The following AOPEP variants were observed in gnomAD, a reference collection of about 807,000 sequenced individuals.
The protein encoded by AOPEP is aminopeptidase O.
In AOPEP, 77 loss-of-function variants were observed where a neutral mutation model predicts 98.1. The observed-to-expected ratio is 0.78, with a 90% CI of 0.65 to 0.95. The LOEUF is 0.95. Ranked by LOEUF, AOPEP falls within the 40% of genes least tolerant of loss-of-function variation. The pLI is 0.00. For synonymous variants in AOPEP, 346 were observed against 365.3 expected (o/e 0.95, Z 0.60); for missense variants, 1,024 against 1,024.7 (o/e 1.00, Z 0.01).
At chr9:95,043,757 C>T (rs1039345145) in intron 13 of AOPEP, among the ~76,000 whole-genome samples, 4 of 152,070 alleles carry the variant, frequency 2.6e-5, no homozygotes, top group Non-Finnish European at 5.9e-5. Context: ...CTTAACCTTC[C>T]GGACTCAAGC....
intron 14 of AOPEP, among the ~76,000 whole-genome samples, chr9:95,070,611 C>T (rs1183831866): frequency 6.6e-6 from 1 of 152,256 alleles, no homozygotes; most frequent in Non-Finnish European, 1.5e-5. Context: ...CAAGCATGTA[C>T]TATGTGCTGG....
intron 4 of AOPEP, among the ~76,000 whole-genome samples, chr9:94,793,238 C>T (rs1021575737): frequency 2.0e-5 from 3 of 151,978 alleles, no homozygotes; most frequent in African/African-American, 7.3e-5. Context: ...GTCCCAGCGA[C>T]TCGGGAGGCT....
chr9:94,834,737 G>C (rs2041345019), intron 5 of AOPEP, among the ~76,000 whole-genome samples: 1 of 152,182 alleles, frequency 6.6e-6, no homozygotes, highest in Non-Finnish European at 1.5e-5. Flanking sequence ...AGGCTGCAGT[G>C]AACAGAGATT....
intron 5 of AOPEP, among the ~76,000 whole-genome samples, chr9:94,899,350 AT>A (rs35635785): frequency 0.037 from 3,590 of 97,796 alleles, 93 homozygotes; most frequent in African/African-American, 0.09. Context: ...ACGCCCGGCT[AT>A]TTTTTTTTTT....
the AOPEP span, among the ~76,000 whole-genome samples, chr9:95,143,539 A>C: frequency 5.9e-5 from 9 of 152,276 alleles, no homozygotes; most frequent in African/African-American, 2.2e-4. Flanking sequence ...CACTCAGGAA[A>C]TTTCAAGGGT....
intron 13 of AOPEP, among the ~76,000 whole-genome samples, chr9:95,055,645 G>A (rs2066754019): frequency 6.6e-6 from 1 of 152,206 alleles, no homozygotes; most frequent in African/African-American, 2.4e-5. Flanking sequence ...CTAAGGTGGT[G>A]GGTGTGTTTT....
chr9:94,937,590 C>G (rs1027277791), intron 7 of AOPEP, among the ~76,000 whole-genome samples: 4 of 152,204 alleles, frequency 2.6e-5, no homozygotes, highest in Middle Eastern at 6.3e-3. Flanking sequence ...TCTGCCTGCT[C>G]TTTCTTACCT....
intron 13 of AOPEP, among the ~76,000 whole-genome samples, chr9:95,045,786 G>A (rs1033463643): frequency 6.6e-6 from 1 of 152,204 alleles, no homozygotes; most frequent in African/African-American, 2.4e-5. Flanking sequence ...TCCATGTAAC[G>A]TAGCTCCCCT....
chr9:95,107,756 G>A, the AOPEP span, among the ~76,000 whole-genome samples: 4 of 152,212 alleles, frequency 2.6e-5, no homozygotes, highest in South Asian at 4.2e-4. Flanking sequence ...ACACATGCAC[G>A]CACGTGTACA....
rs139335535 is a variant in AOPEP, at chr9:94,840,889, A to G, written c.1364+39887A>G. Among the ~76,000 whole-genome samples the G allele has an allele frequency of 3.0e-3, 451 of 151,978 alleles. 11 individuals carry two copies. The South Asian group carries it at 0.043, about 15-fold the overall frequency. On this transcript the variant is annotated intron_variant, in intron 5 of 16. Transcript: ENST00000375315. ...TCTTTTTCTCTTTGTTTCTTTGTCC[A>G]TCTGGCTAGAGGTTTGTCACTTTTA...
chr9:95,129,684 C>A, the AOPEP span, among the ~76,000 whole-genome samples: 1 of 152,222 alleles, frequency 6.6e-6, no homozygotes. Flanking sequence ...CTCCATCTGG[C>A]CTAACAATTT....
intron 3 of AOPEP, among the ~76,000 whole-genome samples, chr9:94,778,466 G>A (rs1233707130): frequency 6.6e-6 from 1 of 151,512 alleles, no homozygotes; most frequent in African/African-American, 2.4e-5. Context: ...AATAGCTAGT[G>A]ACACCTGCAA....
chr9:94,797,104 C>T (rs1021887045), intron 4 of AOPEP, among the ~76,000 whole-genome samples: 8 of 152,150 alleles, frequency 5.3e-5, no homozygotes, highest in Non-Finnish European at 1.2e-4. Flanking sequence ...ATCTTTGAGT[C>T]GGTGCTGAAT....
chr9:94,867,116 AT>A (rs1227186882), intron 5 of AOPEP, among the ~76,000 whole-genome samples: 1 of 152,202 alleles, frequency 6.6e-6, no homozygotes, highest in Non-Finnish European at 1.5e-5. Context: ...TTTTGATTAA[AT>A]TTACTTCCTA....
intron 5 of AOPEP, among the ~76,000 whole-genome samples, chr9:94,869,493 T>G (rs1410338412): frequency 6.6e-6 from 1 of 152,240 alleles, no homozygotes; most frequent in Admixed American, 6.5e-5. Flanking sequence ...ATCTGTTGTA[T>G]TGAGTTTCCA....
chr9:94,770,725 C>T (rs1407398683), intron 2 of AOPEP, among the ~76,000 whole-genome samples: 1 of 152,180 alleles, frequency 6.6e-6, no homozygotes, highest in Non-Finnish European at 1.5e-5. Flanking sequence ...GTCACCTCTG[C>T]TGTATCCTGT....
the AOPEP span, among the ~76,000 whole-genome samples, chr9:95,136,791 C>G: frequency 6.6e-6 from 1 of 152,200 alleles, no homozygotes; most frequent in Admixed American, 6.5e-5. Context: ...CCAGACACAA[C>G]CATTTTGTGT....
At chr9:94,929,875 C>G (rs1186677232) in intron 7 of AOPEP, among the ~76,000 whole-genome samples, 2 of 152,208 alleles carry the variant, frequency 1.3e-5, no homozygotes, top group East Asian at 3.9e-4. Context: ...AATGAGCTGC[C>G]TTGTGCATAG....
chr9:94,895,914 G>C (rs1465715287), intron 5 of AOPEP, among the ~76,000 whole-genome samples: 1 of 152,162 alleles, frequency 6.6e-6, no homozygotes, highest in Non-Finnish European at 1.5e-5. Flanking sequence ...TGTATTGTCT[G>C]TGGCTGCTTT....
Sources: allele counts gnomAD v4.1 joint callset (sites outside exome capture counted in the v4.1 genomes callset), GRCh38; gene constraint gnomAD v4.1.1; transcripts MANE v1.5; gene names NCBI Gene and HGNC (gene_info 2026-07-23, HGNC 2026-07-21).